Variants in DENND2B observed in about 807,000 individuals in gnomAD.
DENND2B encodes the protein DENN domain containing 2B.
Under a neutral mutation model 116.0 loss-of-function variants are expected in DENND2B, and 32 were observed. The observed-to-expected ratio is 0.28, with a 90% CI of 0.21 to 0.37. DENND2B has a LOEUF of 0.37. Ranked by LOEUF, DENND2B falls within the 10% of genes least tolerant of loss-of-function variation. The pLI is 1.00. For synonymous variants in DENND2B, 588 were observed against 583.9 expected (o/e 1.01, Z -0.10); for missense variants, 1,276 against 1,477.7 (o/e 0.86, Z 2.24).
chr11:8,837,209 G>A (rs2062464016), intron 4 of DENND2B, among the ~76,000 whole-genome samples: 1 of 148,854 alleles, frequency 6.7e-6, no homozygotes. Context: ...ACAGGGATAA[G>A]GAAGAAATGT....
chr11:8,711,793 G>C (rs1025890199), intron 9 of DENND2B: 5 of 288,078 alleles, frequency 1.7e-5, no homozygotes, highest in South Asian at 1.3e-4. Flanking sequence ...CTTGAACCCA[G>C]GAGGCGGAGG....
chr11:8,740,532 G>A (rs2050011209), intron 2 of DENND2B, among the ~76,000 whole-genome samples: 2 of 152,206 alleles, frequency 1.3e-5, no homozygotes, highest in African/African-American at 4.8e-5. Context: ...TACTACAAGT[G>A]TTAGTAACAA....
chr11:8,705,159 T>G (rs1406383446), intron 13 of DENND2B, among the ~76,000 whole-genome samples: 1 of 152,136 alleles, frequency 6.6e-6, no homozygotes, highest in African/African-American at 2.4e-5. Flanking sequence ...CTCCTGCAGC[T>G]CAAACCTCTT....
intron 3 of DENND2B, among the ~76,000 whole-genome samples, chr11:8,851,245 C>T (rs957684929): frequency 2.0e-5 from 3 of 151,828 alleles, no homozygotes; most frequent in East Asian, 1.9e-4. Context: ...ATGACTTAGT[C>T]ATTCTAAATA....
At chr11:8,855,894 T>C (rs1422248222) in intron 3 of DENND2B, among the ~76,000 whole-genome samples, 1 of 152,132 alleles carries the variant, frequency 6.6e-6, no homozygotes, top group Non-Finnish European at 1.5e-5. Context: ...CTGGGAGGAA[T>C]CCCAGCAAAC....
chr11:8,798,231 G>C (rs2060003576), intron 1 of DENND2B, among the ~76,000 whole-genome samples: 1 of 152,078 alleles, frequency 6.6e-6, no homozygotes, highest in African/African-American at 2.4e-5. Context: ...TACCTCCTCG[G>C]CATACAGAAC....
chr11:8,765,824 G>C (rs2055635556), intron 1 of DENND2B, among the ~76,000 whole-genome samples: 1 of 152,028 alleles, frequency 6.6e-6, no homozygotes, highest in Admixed American at 6.6e-5. Flanking sequence ...GATTACCTGA[G>C]GTCAGGAGTT....
chr11:8,791,647 G>A (rs1374949133), intron 1 of DENND2B, among the ~76,000 whole-genome samples: 1 of 151,812 alleles, frequency 6.6e-6, no homozygotes, highest in Non-Finnish European at 1.5e-5. Context: ...TGTGCCTGTA[G>A]TCCCACCTAC....
intron 1 of DENND2B, among the ~76,000 whole-genome samples, chr11:8,764,152 G>A (rs991780082): frequency 6.6e-6 from 1 of 151,888 alleles, no homozygotes; most frequent in Non-Finnish European, 1.5e-5. Context: ...CCCGGGAGGC[G>A]GAGGTTGCAG....
chr11:8,710,205 G>C (rs117396370), intron 11 of DENND2B, among the ~76,000 whole-genome samples: 2,700 of 152,310 alleles, frequency 0.018, 38 homozygotes, highest in Middle Eastern at 0.1. Context: ...GCCAGGCTCT[G>C]AGCCTCTACC....
chr11:8,808,113 C>A (rs1410062401), intron 1 of DENND2B: 1 of 152,412 alleles, frequency 6.6e-6, no homozygotes, highest in African/African-American at 2.4e-5. Flanking sequence ...TTTTCTTTCC[C>A]CATAAGCTGT....
intron 1 of DENND2B, among the ~76,000 whole-genome samples, chr11:8,767,385 A>G (rs1450592130): frequency 6.6e-6 from 1 of 151,742 alleles, no homozygotes; most frequent in Admixed American, 6.6e-5. Flanking sequence ...GGGTCCCCCA[A>G]GGAGACCTCA....
chr11:8,772,091 C>T (rs773293808), intron 1 of DENND2B, among the ~76,000 whole-genome samples: 8 of 150,724 alleles, frequency 5.3e-5, no homozygotes, highest in African/African-American at 2.0e-4. Flanking sequence ...ATCAAGGTGC[C>T]GGGAGGGTGG....
Position 8,877,115 on chromosome 11 carries a change from T to TG in DENND2B, c.-156+3894_-156+3895insC, listed in dbSNP as rs1315349860. Among the ~76,000 whole-genome samples the TG allele has an allele frequency of 2.1e-5, 3 of 144,658 alleles. No individual in the cohort carries two copies. The Admixed American group carries it at 2.1e-4, about 10-fold the overall frequency. 94.9% of individuals were successfully genotyped at this position (144,658 alleles called of 152,430 possible). On this transcript the variant is annotated intron_variant, in intron 2 of 22. Transcript: ENST00000534127. ...CTTGAAGATACTTTTTTTTTTTTTTTTTTTTTGAGACGGACTCTCACTCTG... is the reference window on the plus strand; with the variant it reads ...CTTGAAGATACTTTTTTTTTTTTTTTGTTTTTTGAGACGGACTCTCACTCTG...
chr11:8,701,570 C>T (rs2041682719), intron 14 of DENND2B, among the ~76,000 whole-genome samples: 2 of 152,046 alleles, frequency 1.3e-5, no homozygotes, highest in Non-Finnish European at 2.9e-5. Flanking sequence ...CTCTCCGCTC[C>T]TTAAAACCAC....
Position 8,706,561 on chromosome 11 carries a change from T to C in DENND2B, c.2571+524A>G, listed in dbSNP as rs1181954720. On this transcript the variant is annotated intron_variant, in intron 13 of 19. Transcript: ENST00000313726. ...CTCACCACTTAGGTCTCTGATAAAG[T>C]GTTACTTTCTCAGAGGAGACCTTCC... is the stretch of plus-strand genomic sequence containing the variant. Among the ~76,000 whole-genome samples, 6 of 152,204 alleles carry C rather than the reference T, an allele frequency of 3.9e-5. No homozygotes were observed. In the East Asian group the frequency reaches 1.2e-3, roughly 29 times the overall value.
In DENND2B at chr11:8,693,926, A is replaced by G. The variant is rs985930767; in HGVS notation, c.*170T>C. The G allele has an allele frequency of 6.5e-6, 4 of 610,806 alleles. No homozygotes were observed. Among genetic ancestry groups the G allele is most frequent in the African/African-American group, 1.9e-5 (1 of 53,820 alleles). 37.8% of individuals were successfully genotyped at this position (610,806 alleles called of 1,614,324 possible). On this transcript the variant is annotated 3_prime_UTR_variant, in exon 20 of 20. Transcript: ENST00000313726. ...AAACAGTTAAGAAAGCTTACAGCAG[A>G]TTATTTACAAACAGTATCCTGGGAT...
intron 2 of DENND2B, among the ~76,000 whole-genome samples, chr11:8,733,641 C>T (rs977722500): frequency 1.3e-5 from 2 of 152,144 alleles, no homozygotes; most frequent in Non-Finnish European, 2.9e-5. Flanking sequence ...GTCTCCCCAG[C>T]GGCCCAGGAG....
chr11:8,708,266 CCA>C, intron 11 of DENND2B: 1 of 985,434 alleles, frequency 1.0e-6, no homozygotes, highest in Non-Finnish European at 1.2e-6. Flanking sequence ...CTTTTTAGCC[CCA>C]TAGGGCACAT....
Sources: allele counts gnomAD v4.1 joint callset (sites outside exome capture counted in the v4.1 genomes callset), GRCh38; gene constraint gnomAD v4.1.1; transcripts MANE v1.5; gene names NCBI Gene and HGNC (gene_info 2026-07-23, HGNC 2026-07-21).